The following RAB5C variants were observed in gnomAD, a reference collection of about 807,000 sequenced individuals.
RAB5C encodes RAB5C, member RAS oncogene family.
Under a neutral mutation model 25.2 loss-of-function variants are expected in RAB5C, and 4 were observed. The ratio of observed to expected loss-of-function variants is 0.16; its 90% CI spans 0.08 to 0.36. The LOEUF is 0.36. Among genes scored for constraint, RAB5C ranks in the 10% least tolerant of loss-of-function variants. The pLI, the probability that RAB5C is intolerant of heterozygous loss-of-function variation, is 1.00. For missense variants in RAB5C, 199 were observed against 283.8 expected (o/e 0.70, Z 2.15); for synonymous variants, 100 against 106.4 (o/e 0.94, Z 0.37).
chr17:42,125,544 A>T lies in RAB5C; in HGVS notation c.*239T>A, dbSNP rs781849293. The T allele has an allele frequency of 1.4e-4, 67 of 475,978 alleles. No homozygotes were observed. In the Middle Eastern group the frequency reaches 2.3e-3, roughly 16 times the overall value. The allele number at this position is 475,978 out of a possible 1,614,324, so 29.5% of individuals were successfully genotyped here. On this transcript the variant is annotated 3_prime_UTR_variant, in exon 6 of 6. Coordinates refer to ENST00000346213, the MANE Select transcript of RAB5C (RefSeq NM_004583.4). ...AAGGGGAGGAAGTGGGAAGAGCAGA[A>T]GATCATATATATTAAAAAAGTGACT...
At chr17:42,134,285 T>C (rs976913797) in intron 1 of RAB5C, among the ~76,000 whole-genome samples, 1 of 152,212 alleles carries the variant, frequency 6.6e-6, no homozygotes, top group African/African-American at 2.4e-5. Flanking sequence ...TCTTTCTTTT[T>C]GAACCCCTGG....
chr17:42,146,707 T>A (rs1255608811), intron 1 of RAB5C, among the ~76,000 whole-genome samples: 1 of 146,768 alleles, frequency 6.8e-6, no homozygotes, highest in Non-Finnish European at 1.5e-5. Flanking sequence ...CAAGATGGCA[T>A]CACTGCACTC....
At chr17:42,145,130 GCCACTGCACT>G (rs2079627902) in intron 1 of RAB5C, among the ~76,000 whole-genome samples, 1 of 149,522 alleles carries the variant, frequency 6.7e-6, no homozygotes, top group South Asian at 2.1e-4. Context: ...CCGAGATTGC[GCCACTGCACT>G]CCAGCCTGGG....
intron 1 of RAB5C, among the ~76,000 whole-genome samples, chr17:42,142,456 A>G (rs1463345616): frequency 2.6e-5 from 4 of 152,238 alleles, no homozygotes; most frequent in Admixed American, 1.3e-4. Context: ...TGACAAAGAA[A>G]GCAGAGTTCC....
intron 2 of RAB5C, among the ~76,000 whole-genome samples, chr17:42,129,941 C>T (rs2054467895): frequency 6.6e-6 from 1 of 152,212 alleles, no homozygotes; most frequent in African/African-American, 2.4e-5. Context: ...CTCCGACTCA[C>T]CAGGCTGTTC....
Position 42,125,519 on chromosome 17 carries a change from A to G in RAB5C, c.*264T>C. On this transcript the variant is annotated 3_prime_UTR_variant, in exon 6 of 6. Transcript: ENST00000346213. ...CAAGGGAAAATGGGAGAGCAGTAGA[A>G]AGGGGAGGAAGTGGGAAGAGCAGAA... The G allele has an allele frequency of 2.5e-6, 1 of 403,786 alleles. No homozygotes were observed. The highest frequency in any genetic ancestry group is 3.2e-5 in the South Asian group (1 of 31,382). 25.0% of individuals were successfully genotyped at this position (403,786 alleles called of 1,614,324 possible).
At chr17:42,126,954 G>A (rs1244101440) in intron 4 of RAB5C, 106 bp from the exon 5 acceptor site, 1 of 667,854 alleles carries the variant, frequency 1.5e-6, no homozygotes, top group Non-Finnish European at 2.7e-6. Context: ...TATCATAATA[G>A]AGATCAGCTG....
intron 1 of RAB5C, among the ~76,000 whole-genome samples, chr17:42,133,652 T>C (rs1022532573): frequency 3.3e-5 from 5 of 152,216 alleles, no homozygotes; most frequent in African/African-American, 1.2e-4. Flanking sequence ...GCACAGGCAC[T>C]GGCTTTCGGC....
intron 1 of RAB5C, among the ~76,000 whole-genome samples, chr17:42,140,914 G>T (rs1015043429): frequency 2.0e-5 from 3 of 152,022 alleles, no homozygotes; most frequent in African/African-American, 7.3e-5. Context: ...CCGCTACCTT[G>T]ACTTCCTGGG....
intron 1 of RAB5C, among the ~76,000 whole-genome samples, chr17:42,151,810 G>A (rs183462419): frequency 1.4e-4 from 22 of 152,282 alleles, no homozygotes; most frequent in African/African-American, 5.1e-4. Flanking sequence ...AGAGGCAGAG[G>A]TGAAAGGGGT....
intron 1 of RAB5C, among the ~76,000 whole-genome samples, chr17:42,136,941 C>T (rs528881793): frequency 5.3e-5 from 8 of 152,162 alleles, no homozygotes; most frequent in South Asian, 2.1e-4. Flanking sequence ...ACAGGGACTG[C>T]GACCTTCTAT....
intron 1 of RAB5C, among the ~76,000 whole-genome samples, chr17:42,152,186 CA>C (rs1184980023): frequency 2.6e-5 from 4 of 151,760 alleles, no homozygotes; most frequent in South Asian, 4.2e-4. Flanking sequence ...CACTATTTCC[CA>C]AGGCACCTAT....
At chr17:42,149,948 G>T (rs946062861) in intron 1 of RAB5C, among the ~76,000 whole-genome samples, 2 of 145,602 alleles carry the variant, frequency 1.4e-5, no homozygotes, top group African/African-American at 2.6e-5. Flanking sequence ...GTGCAATCTC[G>T]GCTCACTGCA....
intron 1 of RAB5C, among the ~76,000 whole-genome samples, chr17:42,152,847 C>T (rs1024130083): frequency 1.3e-5 from 2 of 151,960 alleles, no homozygotes; most frequent in South Asian, 4.1e-4. Flanking sequence ...AAAAGAAGGT[C>T]TCCTCAGAAG....
chr17:42,140,213 G>A (rs927653001), intron 1 of RAB5C, among the ~76,000 whole-genome samples: 2 of 151,952 alleles, frequency 1.3e-5, no homozygotes, highest in Non-Finnish European at 2.9e-5. Context: ...AACCCTTCCC[G>A]CCCTTACAAA....
intron 4 of RAB5C, 63 bp downstream of exon 4, chr17:42,128,198 C>T: frequency 1.3e-6 from 2 of 1,565,052 alleles, no homozygotes; most frequent in Admixed American, 1.8e-5. Context: ...CCCTGAGCAT[C>T]CCAGGCGAGG....
intron 4 of RAB5C, 152 bp downstream of exon 4, chr17:42,128,109 G>T: frequency 8.8e-7 from 1 of 1,133,688 alleles, no homozygotes; most frequent in East Asian, 2.7e-5. Context: ...CAGGAGCCAT[G>T]TTAGGCCCAT....
intron 1 of RAB5C, among the ~76,000 whole-genome samples, chr17:42,149,028 G>A (rs955165587): frequency 1.3e-5 from 2 of 152,166 alleles, no homozygotes; most frequent in African/African-American, 4.8e-5. Flanking sequence ...ATACATAGAG[G>A]ATGGGGCTAT....
At position 42,143,552 on chromosome 17, in the gene RAB5C, G is replaced by A. The variant is rs541105313; in HGVS notation, c.-89+11341C>T. On this transcript the variant is annotated intron_variant, in intron 1 of 5. Coordinates refer to ENST00000346213, the MANE Select transcript of RAB5C (RefSeq NM_004583.4). ...CTCAGGAGGTTGAGGCACAAGAATT[G>A]CATGAATCTGGGAGGCAGAGGCTGC... 2.0e-5 allele frequency among the ~76,000 whole-genome samples: 3 copies of A among 152,240 alleles called. No individual in the cohort carries two copies. The South Asian group carries it at 6.2e-4, about 32-fold the overall frequency.
Sources: allele counts gnomAD v4.1 joint callset (sites outside exome capture counted in the v4.1 genomes callset), GRCh38; gene constraint gnomAD v4.1.1; transcripts MANE v1.5; gene names NCBI Gene and HGNC (gene_info 2026-07-23, HGNC 2026-07-21).